The following ARHGAP39 variants were observed in gnomAD, a reference collection of about 807,000 sequenced individuals.
ARHGAP39 encodes rho GTPase-activating protein 39.
In ARHGAP39, 44 loss-of-function variants were observed where a neutral mutation model predicts 106.9. The observed-to-expected ratio is 0.41, with a 90% CI of 0.32 to 0.53. ARHGAP39 has a LOEUF of 0.53. ARHGAP39 is among the 20% of genes least tolerant of loss of function. The probability of loss-of-function intolerance (pLI) is 0.21; values close to 1 mark genes in which losing one functional copy is unlikely to be tolerated. For missense variants in ARHGAP39, 1,496 were observed against 1,577.3 expected (o/e 0.95, Z 0.87); for synonymous variants, 768 against 693.2 (o/e 1.11, Z -1.69).
chr8:144,615,237 C>T (rs1051708529), intron 1 of ARHGAP39, among the ~76,000 whole-genome samples: 6 of 152,174 alleles, frequency 3.9e-5, no homozygotes, highest in African/African-American at 1.4e-4. Flanking sequence ...GAGAGGATCG[C>T]TGACCCCAGA....
intron 2 of ARHGAP39, among the ~76,000 whole-genome samples, chr8:144,599,592 G>T (rs2130927497): frequency 3.3e-5 from 5 of 152,292 alleles, no homozygotes; most frequent in Admixed American, 3.3e-4. Context: ...TACGGTTGGG[G>T]CTTTGGGAAC....
At chr8:144,532,713 G>A (rs955948255) in intron 9 of ARHGAP39, among the ~76,000 whole-genome samples, 13 of 152,196 alleles carry the variant, frequency 8.5e-5, no homozygotes, top group Admixed American at 2.6e-4. Context: ...AGTTTCCCCA[G>A]CTGCCCTCCT....
In ARHGAP39 at chr8:144,632,572, C is replaced by T. The variant is rs144306364; in HGVS notation, c.-81-26877G>A. On this transcript the variant is annotated intron_variant, in intron 1 of 11. Coordinates refer to ENST00000377307, the MANE Select transcript of ARHGAP39 (RefSeq NM_025251.3). The stretch of plus-strand genomic sequence containing the variant: ...CCGGGTCTGGGCCTGGGCCGTCAGT[C>T]CCCTGCCCCAGGGGTTCTGGTGGGC... Among the ~76,000 whole-genome samples, 228 of 152,356 alleles carry T rather than the reference C, an allele frequency of 1.5e-3. 2 individuals are homozygous for T. The highest frequency in any genetic ancestry group is 5.3e-3 in the African/African-American group (219 of 41,584).
chr8:144,690,016 G>C (rs1228593483), upstream of ARHGAP39, among the ~76,000 whole-genome samples: 1 of 152,050 alleles, frequency 6.6e-6, no homozygotes, highest in Non-Finnish European at 1.5e-5. Flanking sequence ...CAAAGTGCTG[G>C]GATTACAGGC....
upstream of ARHGAP39, among the ~76,000 whole-genome samples, chr8:144,689,426 C>CTT (rs71320837): frequency 6.8e-4 from 46 of 67,604 alleles, 2 homozygotes; most frequent in Non-Finnish European, 8.5e-4. Context: ...TCTTAACCAT[C>CTT]TTTTTTTTTT....
intron 7 of ARHGAP39, among the ~76,000 whole-genome samples, chr8:144,536,549 C>T (rs754440045): frequency 6.6e-6 from 1 of 152,236 alleles, no homozygotes; most frequent in Non-Finnish European, 1.5e-5. Context: ...GCTCCTTCTA[C>T]GCTGCCCCAG....
At chr8:144,534,237 G>A (rs534700114) in intron 7 of ARHGAP39, 35 bp from the exon 8 acceptor site, 1 of 1,607,008 alleles carries the variant, frequency 6.2e-7, no homozygotes, top group African/African-American at 1.4e-5. Flanking sequence ...GCCTGATGTG[G>A]GTGTGTGGGT....
At chr8:144,544,650 TG>T (rs1372820209) in intron 6 of ARHGAP39, among the ~76,000 whole-genome samples, 1 of 152,224 alleles carries the variant, frequency 6.6e-6, no homozygotes, top group African/African-American at 2.4e-5. Context: ...TGGAGAGCCC[TG>T]GGCAGACTCT....
intron 3 of ARHGAP39, among the ~76,000 whole-genome samples, chr8:144,575,359 T>A (rs1043644700): frequency 1.3e-5 from 2 of 152,248 alleles, no homozygotes; most frequent in African/African-American, 4.8e-5. Context: ...CTTTAAACTT[T>A]TTGAGTCTTT....
intron 3 of ARHGAP39, among the ~76,000 whole-genome samples, chr8:144,567,334 G>A (rs1004886936): frequency 2.0e-5 from 3 of 152,232 alleles, no homozygotes; most frequent in Non-Finnish European, 4.4e-5. Context: ...AAGAGTGCGA[G>A]CCTTCTGTTA....
chr8:144,567,677 G>C (rs1286309522), intron 3 of ARHGAP39, among the ~76,000 whole-genome samples: 2 of 152,238 alleles, frequency 1.3e-5, no homozygotes. Flanking sequence ...CTGCCTTCTA[G>C]ATAGCAGTAG....
At chr8:144,630,187 C>T (rs1380642202) in intron 1 of ARHGAP39, among the ~76,000 whole-genome samples, 1 of 152,106 alleles carries the variant, frequency 6.6e-6, no homozygotes, top group Non-Finnish European at 1.5e-5. Flanking sequence ...CCAGCTAGGC[C>T]CCCACCCGGC....
chr8:144,585,858 C>G lies in ARHGAP39; in HGVS notation c.81-4581G>C, dbSNP rs111445347. 0.072 allele frequency among the ~76,000 whole-genome samples: 10,940 copies of G among 152,278 alleles called. 1,237 individuals carry two copies. The highest frequency in any genetic ancestry group is 0.24 in the African/African-American group (9,959 of 41,528). On this transcript the variant is annotated intron_variant, in intron 2 of 11. Transcript: ENST00000377307. The surrounding 1 kb of genome is among the most constrained non-coding windows in gnomAD (Gnocchi z 4.6). ...TAAAAATGGCAACTGTTGAAAGGGGCTGGACGGGTGCCCTGCCTTCCCCCT... is the reference window on the plus strand; with the variant it reads ...TAAAAATGGCAACTGTTGAAAGGGGGTGGACGGGTGCCCTGCCTTCCCCCT...
intron 2 of ARHGAP39, among the ~76,000 whole-genome samples, chr8:144,588,315 C>A (rs573801797): frequency 2.6e-5 from 4 of 152,374 alleles, no homozygotes; most frequent in Admixed American, 2.0e-4. Flanking sequence ...TGCATTGAGG[C>A]TCATGGAGGC....
chr8:144,550,015 G>A (rs1449190094), intron 4 of ARHGAP39, among the ~76,000 whole-genome samples: 1 of 152,210 alleles, frequency 6.6e-6, no homozygotes, highest in East Asian at 1.9e-4. Flanking sequence ...GCTCACGTCT[G>A]TAATCCAAAG....
chr8:144,581,997 C>G (rs568201507), intron 2 of ARHGAP39, among the ~76,000 whole-genome samples: 2 of 152,220 alleles, frequency 1.3e-5, no homozygotes, highest in Non-Finnish European at 2.9e-5. Flanking sequence ...TCTCTTAACC[C>G]TGCGACAGGC....
At chr8:144,575,609 T>A (rs939388919) in intron 3 of ARHGAP39, among the ~76,000 whole-genome samples, 12 of 152,074 alleles carry the variant, frequency 7.9e-5, no homozygotes, top group African/African-American at 2.7e-4. Flanking sequence ...CATCACCTCC[T>A]GAGACAACAG....
intron 2 of ARHGAP39, among the ~76,000 whole-genome samples, chr8:144,583,651 T>C (rs1432072526): frequency 1.3e-5 from 2 of 152,224 alleles, no homozygotes; most frequent in Non-Finnish European, 2.9e-5. Context: ...CCGTCACCCT[T>C]GCTGGCTGGA....
chr8:144,562,632 G>A (rs559009850), intron 3 of ARHGAP39, among the ~76,000 whole-genome samples: 11 of 147,452 alleles, frequency 7.5e-5, no homozygotes, highest in East Asian at 2.0e-4. Flanking sequence ...GGTTTCCATC[G>A]GACCCCAGTG....
Sources: gnomAD v4.1 joint callset for allele counts (sites outside exome capture counted in the v4.1 genomes callset) on GRCh38, gnomAD v4.1.1 for gene constraint, Gnocchi (gnomAD v3.1) non-coding constraint, MANE v1.5 for transcripts, NCBI Gene and HGNC (gene_info 2026-07-23, HGNC 2026-07-21) for gene names.